The following ARID1B variants were observed in gnomAD, a reference collection of about 807,000 sequenced individuals.
ARID1B encodes AT-rich interaction domain 1B, also known as AT-rich interactive domain-containing protein 1B.
ARID1B carries 30 observed loss-of-function variants against 212.3 expected under a neutral mutation model. That is an observed-to-expected ratio of 0.14 (90% CI 0.11 to 0.19). ARID1B has a LOEUF of 0.19. ARID1B is among the 10% of genes least tolerant of loss of function. ARID1B has a pLI of 1.00. For synonymous variants in ARID1B, 1,402 were observed against 1,301.7 expected (o/e 1.08, Z -1.66); for missense variants, 2,891 against 3,204.0 (o/e 0.90, Z 2.36).
intron 6 of ARID1B, among the ~76,000 whole-genome samples, chr6:157,126,406 C>T (rs1788140847): frequency 6.6e-6 from 1 of 152,066 alleles, no homozygotes; most frequent in Non-Finnish European, 1.5e-5. Context: ...ACTACCTTAA[C>T]TTCTCTCTAA....
At chr6:157,080,052 G>A (rs531702715) in intron 4 of ARID1B, among the ~76,000 whole-genome samples, 1 of 152,260 alleles carries the variant, frequency 6.6e-6, no homozygotes, top group African/African-American at 2.4e-5. Flanking sequence ...CCTTAAACAA[G>A]AGACCTGAAC....
chr6:156,810,762 A>T (rs539342358), intron 1 of ARID1B, among the ~76,000 whole-genome samples: 88 of 152,308 alleles, frequency 5.8e-4, no homozygotes, highest in African/African-American at 2.1e-3. Flanking sequence ...GAGCACCAAC[A>T]CCAATATTTT....
intron 4 of ARID1B, among the ~76,000 whole-genome samples, chr6:156,979,353 G>A (rs886389844): frequency 1.3e-5 from 2 of 152,152 alleles, no homozygotes; most frequent in Non-Finnish European, 2.9e-5. Context: ...AACTGACTCA[G>A]CTTTAAACTC....
rs1301993972 is a variant in ARID1B at position 156,778,569 on chromosome 6, C to T, written c.889C>T (p.Pro297Ser). ...GLGALGTQQPPVAVPGGGGGP... is the reference protein window; with the variant it reads ...GLGALGTQQPSVAVPGGGGGP... ...GGGCGCCCTGGGCACGCAGCAGCCG[C>T]CGGTCGCCGTGCCCGGGGGCGGCGG... Residue 297 changes from proline (P) to serine (S), a missense_variant, in exon 1 of 20, where the codon CCG (proline) becomes TCG (serine). Pro to Ser is a moderately conservative substitution (Grantham distance 74). Transcript: ENST00000636930. 3 of 1,240,804 alleles carry T rather than the reference C, an allele frequency of 2.4e-6. No homozygotes were observed. Among genetic ancestry groups the T allele is most frequent in the African/African-American group, 1.6e-5 (1 of 63,286 alleles). 76.9% of individuals were successfully genotyped at this position (1,240,804 alleles called of 1,614,324 possible). A position where few individuals can be genotyped will look rare whatever the true frequency, so the allele number is the denominator to read the frequency against.
chr6:156,811,207 TTAATG>T lies in ARID1B; in HGVS notation c.1792-18018_1792-18014del, dbSNP rs368028106. ...AGCCCATCCAGGCCACTGTTTTAACTTAATGTCATGTGATTAAGGAGGGGCTTTAA... is the reference window on the plus strand; with the variant it reads ...AGCCCATCCAGGCCACTGTTTTAACTTCATGTGATTAAGGAGGGGCTTTAA... On this transcript the variant is annotated intron_variant, in intron 1 of 19. Transcript: ENST00000636930. Among the ~76,000 whole-genome samples the T allele has an allele frequency of 7.5e-4, 114 of 152,340 alleles. 1 individual carries two copies. The highest frequency in any genetic ancestry group is 2.5e-3 in the African/African-American group (104 of 41,574).
At chr6:157,044,374 A>T (rs2128536985) in intron 4 of ARID1B, among the ~76,000 whole-genome samples, 1 of 152,294 alleles carries the variant, frequency 6.6e-6, no homozygotes, top group South Asian at 2.1e-4. Context: ...TTGACATCTG[A>T]TCATTATGAA....
chr6:157,038,971 A>C (rs909931530), intron 4 of ARID1B, among the ~76,000 whole-genome samples: 8 of 151,404 alleles, frequency 5.3e-5, no homozygotes, highest in African/African-American at 1.9e-4. Flanking sequence ...CGGCGCGATC[A>C]TGGCTCATTG....
chr6:157,021,575 C>T (rs1205358665), intron 4 of ARID1B, among the ~76,000 whole-genome samples: 3 of 152,188 alleles, frequency 2.0e-5, no homozygotes, highest in Non-Finnish European at 4.4e-5. Context: ...AAAACAACCG[C>T]GTCCTCAGCC....
intron 19 of ARID1B, chr6:157,205,162 T>C (rs1794357386): frequency 6.6e-6 from 1 of 152,250 alleles, no homozygotes; most frequent in Admixed American, 6.5e-5. Context: ...AAAATGCCCT[T>C]GGAACATTGT....
intron 4 of ARID1B, among the ~76,000 whole-genome samples, chr6:156,945,405 G>A (rs983443019): frequency 4.0e-5 from 6 of 151,754 alleles, no homozygotes; most frequent in East Asian, 3.9e-4. Context: ...AGCCATGTCC[G>A]CTCCTCAGGC....
chr6:157,184,127 C>A (rs767757355), intron 12 of ARID1B, 104 bp from the exon 13 acceptor site: 1 of 1,022,894 alleles, frequency 9.8e-7, no homozygotes. Context: ...TTAAAAGAGG[C>A]AAATGAAGAA....
At chr6:156,800,806 C>T (rs1434687156) in intron 1 of ARID1B, among the ~76,000 whole-genome samples, 2 of 151,988 alleles carry the variant, frequency 1.3e-5, no homozygotes, top group Admixed American at 6.6e-5. Flanking sequence ...ACCTGGGAGG[C>T]TGAGGTGGAG....
At chr6:156,921,944 C>G (rs537720740) in intron 3 of ARID1B, among the ~76,000 whole-genome samples, 3 of 151,950 alleles carry the variant, frequency 2.0e-5, no homozygotes, top group African/African-American at 7.3e-5. Context: ...GAGATTAACC[C>G]CCTCAGCAGT....
chr6:156,822,593 G>A (rs12199332), intron 1 of ARID1B, among the ~76,000 whole-genome samples: 19,909 of 152,304 alleles, frequency 0.13, 1,728 homozygotes, highest in Non-Finnish European at 0.19. Flanking sequence ...ATGAAACAAG[G>A]GAAGAGTCTT....
rs773843930 is a variant in ARID1B at position 157,206,249 on chromosome 6, T to C, written c.5477T>C (p.Val1826Ala). The change falls in exon 20 of 20, where the codon GTG becomes GCG. Residue 1826 changes from valine (V) to alanine (A), a missense_variant. Coordinates refer to ENST00000636930, the MANE Select transcript of ARID1B (RefSeq NM_001374828.1). The surrounding 1 kb of genome is among the most constrained non-coding windows in gnomAD (Gnocchi z 6.8). ...TTTGGAATTCTTATGGAATATGAAG[T>C]GGGAGACCCCAGCCAAAAAGCACTT... ...DIFGILMEYE[V>A]GDPSQKALDH... 5.6e-6 allele frequency: 9 copies of C among 1,614,212 alleles called. No homozygotes were observed. The highest frequency in any genetic ancestry group is 7.6e-6 in the Non-Finnish European group (9 of 1,180,040).
In ARID1B at chr6:157,148,484, C is replaced by T. The variant is rs994175819; in HGVS notation, c.2762-140C>T. ...AGAGCATGTTTGAGACTGGCAGCTGCACCAGCAGCAACAGGAAGGGCCTAT... is the reference window on the plus strand; with the variant it reads ...AGAGCATGTTTGAGACTGGCAGCTGTACCAGCAGCAACAGGAAGGGCCTAT... On this transcript the variant is annotated intron_variant, in intron 7 of 19. Coordinates refer to ENST00000636930, the MANE Select transcript of ARID1B (RefSeq NM_001374828.1). The surrounding 1 kb of genome is among the most constrained non-coding windows in gnomAD (Gnocchi z 5.6). 2 of 901,170 alleles carry T rather than the reference C, an allele frequency of 2.2e-6. No homozygotes were observed. Among genetic ancestry groups the T allele is most frequent in the South Asian group, 1.8e-5 (1 of 56,148 alleles). The allele number at this position is 901,170 out of a possible 1,614,324, so 55.8% of individuals were successfully genotyped here. A position where few individuals can be genotyped will look rare whatever the true frequency, so the allele number is the denominator to read the frequency against.
chr6:156,804,883 A>G (rs1448699138), intron 1 of ARID1B, among the ~76,000 whole-genome samples: 2 of 151,482 alleles, frequency 1.3e-5, no homozygotes, highest in African/African-American at 2.4e-5. Context: ...AAAAAAAAAA[A>G]AAAAAAGAAA....
chr6:156,897,484 G>A (rs1788575571), intron 2 of ARID1B, among the ~76,000 whole-genome samples: 2 of 151,582 alleles, frequency 1.3e-5, no homozygotes, highest in Non-Finnish European at 1.5e-5. Flanking sequence ...ATGTTGCCCA[G>A]GCTGGTTTGG....
intron 2 of ARID1B, among the ~76,000 whole-genome samples, chr6:156,843,471 C>T (rs1209408892): frequency 2.6e-5 from 4 of 152,010 alleles, no homozygotes; most frequent in Admixed American, 2.0e-4. Context: ...GGCTTTGCTC[C>T]AGAGGACCAC....
Sources: allele counts gnomAD v4.1 joint callset (sites outside exome capture counted in the v4.1 genomes callset), GRCh38; gene constraint gnomAD v4.1.1; non-coding constraint Gnocchi (gnomAD v3.1); transcripts MANE v1.5; gene names NCBI Gene and HGNC (gene_info 2026-07-23, HGNC 2026-07-21).